SLC39A11: variants seen among roughly 807,000 people sequenced by gnomAD.
The protein encoded by SLC39A11 is solute carrier family 39 member 11, also known as zinc transporter ZIP11.
In SLC39A11, 33 loss-of-function variants were observed where a neutral mutation model predicts 36.1. That is an observed-to-expected ratio of 0.91 (90% CI 0.69 to 1.22). The LOEUF is 1.22. Among genes scored for constraint, SLC39A11 ranks in the 50% most tolerant of loss-of-function variants. The probability of loss-of-function intolerance (pLI) is 0.00; values close to 1 mark genes in which losing one functional copy is unlikely to be tolerated. For missense variants in SLC39A11, 432 were observed against 430.3 expected, an observed-to-expected ratio of 1.00 and a Z score of -0.03; for synonymous variants, 166 against 170.3, an observed-to-expected ratio of 0.97 and a Z score of 0.20.
At chr17:72,824,868 C>T (rs2077946695) in intron 6 of SLC39A11, among the ~76,000 whole-genome samples, 1 of 151,242 alleles carries the variant, frequency 6.6e-6, no homozygotes, top group Non-Finnish European at 1.5e-5. Flanking sequence ...CTTCCAACAG[C>T]ATATGGTCAT....
chr17:72,995,859 C>G (rs527313194), intron 4 of SLC39A11, among the ~76,000 whole-genome samples: 1 of 152,288 alleles, frequency 6.6e-6, no homozygotes, highest in South Asian at 2.1e-4. Flanking sequence ...ATCCTCCCCC[C>G]GCCCAATGAA....
At chr17:72,720,129 C>G (rs949934551) in intron 7 of SLC39A11, among the ~76,000 whole-genome samples, 3 of 152,098 alleles carry the variant, frequency 2.0e-5, no homozygotes, top group Admixed American at 6.5e-5. Flanking sequence ...AGAGGTGACC[C>G]AGGCTCTGCT....
chr17:72,983,337 C>G (rs35271704), intron 4 of SLC39A11, among the ~76,000 whole-genome samples: 1 of 152,064 alleles, frequency 6.6e-6, no homozygotes, highest in Non-Finnish European at 1.5e-5. Context: ...TTAGTAGAGA[C>G]GAGGTTTCAC....
At chr17:72,944,773 G>A (rs2085329666) in intron 5 of SLC39A11, among the ~76,000 whole-genome samples, 1 of 152,182 alleles carries the variant, frequency 6.6e-6, no homozygotes, top group Non-Finnish European at 1.5e-5. Flanking sequence ...TAATTAGGTA[G>A]CATCATGGCC....
At chr17:73,047,000 C>T (rs2059315503) in intron 3 of SLC39A11, among the ~76,000 whole-genome samples, 1 of 151,154 alleles carries the variant, frequency 6.6e-6, no homozygotes, top group African/African-American at 2.4e-5. Context: ...GAAAGAAGAA[C>T]CACCTTCTTC....
At chr17:73,088,984 T>G (rs1568258299) in intron 1 of SLC39A11, among the ~76,000 whole-genome samples, 2 of 152,086 alleles carry the variant, frequency 1.3e-5, no homozygotes, top group East Asian at 1.9e-4. Context: ...GAAATCGTCT[T>G]AATCTGAAAG....
intron 4 of SLC39A11, among the ~76,000 whole-genome samples, chr17:72,982,135 T>C (rs1005045097): frequency 7.2e-5 from 11 of 151,970 alleles, no homozygotes; most frequent in African/African-American, 2.7e-4. Flanking sequence ...TTTTTACCTA[T>C]TCCTATTAAC....
chr17:72,695,798 G>T (rs2072267382), intron 7 of SLC39A11, among the ~76,000 whole-genome samples: 1 of 152,190 alleles, frequency 6.6e-6, no homozygotes, highest in Admixed American at 6.5e-5. Flanking sequence ...AGACCGGAAT[G>T]ATGCGGCCAC....
At chr17:73,086,522 T>C (rs2060734716) in intron 2 of SLC39A11, among the ~76,000 whole-genome samples, 1 of 152,136 alleles carries the variant, frequency 6.6e-6, no homozygotes, top group South Asian at 2.1e-4. Context: ...CTTTTCACCT[T>C]ACAAAATTAA....
intron 6 of SLC39A11, among the ~76,000 whole-genome samples, chr17:72,809,069 G>A (rs2077352251): frequency 6.6e-6 from 1 of 152,194 alleles, no homozygotes; most frequent in South Asian, 2.1e-4. Flanking sequence ...ATGTTGGGTG[G>A]TTACAGTTTG....
chr17:72,687,875 T>C (rs937062212), intron 7 of SLC39A11, among the ~76,000 whole-genome samples: 11 of 152,178 alleles, frequency 7.2e-5, no homozygotes, highest in Non-Finnish European at 2.9e-5. Context: ...ATGCAGAAAC[T>C]GAGGCTCTGT....
chr17:72,703,502 C>T (rs1301746525), intron 7 of SLC39A11, among the ~76,000 whole-genome samples: 2 of 150,782 alleles, frequency 1.3e-5, no homozygotes, highest in African/African-American at 2.5e-5. Context: ...GGGGGCGATA[C>T]CCCACAGGGT....
chr17:72,934,998 C>A (rs922291405), intron 5 of SLC39A11, among the ~76,000 whole-genome samples: 1 of 152,146 alleles, frequency 6.6e-6, no homozygotes, highest in Non-Finnish European at 1.5e-5. Flanking sequence ...CATGACCCAG[C>A]CATCTCACTC....
At chr17:73,038,038 C>G (rs113274917) in intron 3 of SLC39A11, among the ~76,000 whole-genome samples, 21 of 152,172 alleles carry the variant, frequency 1.4e-4, no homozygotes, top group African/African-American at 5.1e-4. Context: ...GCCTGGCCAA[C>G]ATGGCGAAAC....
chr17:72,932,266 C>T (rs992214005), intron 5 of SLC39A11, among the ~76,000 whole-genome samples: 1 of 143,026 alleles, frequency 7.0e-6, no homozygotes, highest in Non-Finnish European at 1.5e-5. Flanking sequence ...TATCTTTCCT[C>T]TTCTACCTGA....
At chr17:72,900,031 AG>A (rs1289265813) in intron 5 of SLC39A11, among the ~76,000 whole-genome samples, 5 of 109,354 alleles carry the variant, frequency 4.6e-5, no homozygotes, top group African/African-American at 1.9e-4. Flanking sequence ...AGAGAGAGAG[AG>A]AGAAAGAGAG....
chr17:73,058,175 C>G (rs1461325347), intron 3 of SLC39A11, among the ~76,000 whole-genome samples: 2 of 152,094 alleles, frequency 1.3e-5, no homozygotes, highest in African/African-American at 4.8e-5. Flanking sequence ...TTGTCTTCAC[C>G]AGGCTTGCGT....
chr17:73,010,831 C>A (rs77569326), intron 4 of SLC39A11, among the ~76,000 whole-genome samples: 1 of 152,198 alleles, frequency 6.6e-6, no homozygotes, highest in African/African-American at 2.4e-5. Flanking sequence ...TCAATTGCAA[C>A]GGGCATGGAT....
At chr17:72,730,586 G>A (rs1258049960) in intron 7 of SLC39A11, among the ~76,000 whole-genome samples, 3 of 152,050 alleles carry the variant, frequency 2.0e-5, no homozygotes, top group Non-Finnish European at 2.9e-5. Flanking sequence ...GTGTTTATTC[G>A]TTCATGCATT....
Sources: gnomAD v4.1 joint callset for allele counts (sites outside exome capture counted in the v4.1 genomes callset) on GRCh38, gnomAD v4.1.1 for gene constraint, MANE v1.5 for transcripts, NCBI Gene and HGNC (gene_info 2026-07-23, HGNC 2026-07-21) for gene names.